The following KIF26B variants were observed in gnomAD, a reference collection of about 807,000 sequenced individuals.
KIF26B encodes the protein kinesin-like protein KIF26B.
Under a neutral mutation model 151.2 loss-of-function variants are expected in KIF26B, and 63 were observed. That is an observed-to-expected ratio of 0.42 (90% CI 0.34 to 0.51). The LOEUF is 0.51. KIF26B is among the 20% of genes least tolerant of loss of function. KIF26B has a pLI of 0.07. For missense variants in KIF26B, 2,813 were observed against 2,913.6 expected (o/e 0.97, Z 0.79); for synonymous variants, 1,357 against 1,262.1 (o/e 1.08, Z -1.59).
At chr1:245,456,027 C>G (rs542524152) in intron 4 of KIF26B, among the ~76,000 whole-genome samples, 1 of 152,142 alleles carries the variant, frequency 6.6e-6, no homozygotes, top group Non-Finnish European at 1.5e-5. Context: ...AAAAAAGACA[C>G]CCATGATTCC....
intron 2 of KIF26B, chr1:245,283,235 C>T (rs1671096507): frequency 1.2e-5 from 2 of 160,524 alleles, no homozygotes; most frequent in South Asian, 3.4e-4. Flanking sequence ...GACAGCAAGC[C>T]CAATCTGCCC....
intron 2 of KIF26B, among the ~76,000 whole-genome samples, chr1:245,240,493 A>G (rs1260593723): frequency 6.6e-6 from 1 of 152,182 alleles, no homozygotes; most frequent in African/African-American, 2.4e-5. Context: ...CTGCATATAC[A>G]CATACATGTA....
At chr1:245,172,965 C>A (rs374173200) in intron 2 of KIF26B, among the ~76,000 whole-genome samples, 3 of 152,138 alleles carry the variant, frequency 2.0e-5, no homozygotes, top group Non-Finnish European at 4.4e-5. Flanking sequence ...TTCATAGCAG[C>A]CTTATTCACA....
chr1:245,510,060 CA>C (rs1246779602), intron 4 of KIF26B, among the ~76,000 whole-genome samples: 1 of 152,154 alleles, frequency 6.6e-6, no homozygotes, highest in Non-Finnish European at 1.5e-5. Context: ...GCGAAGTTGA[CA>C]GTCACACTGA....
At chr1:245,607,607 T>C in intron 6 of KIF26B, 44 bp from the exon 7 acceptor site, 3 of 1,513,018 alleles carry the variant, frequency 2.0e-6, no homozygotes, top group Admixed American at 3.6e-5. Context: ...GTGTCTCCGC[T>C]GCGAGGTCCA....
chr1:245,214,772 G>A (rs748878935), intron 2 of KIF26B, among the ~76,000 whole-genome samples: 3 of 151,962 alleles, frequency 2.0e-5, no homozygotes, highest in Non-Finnish European at 2.9e-5. Context: ...CCCAGGAGGT[G>A]GAGGTTGCAG....
chr1:245,657,700 T>C (rs1028214250), intron 10 of KIF26B, among the ~76,000 whole-genome samples: 11 of 152,182 alleles, frequency 7.2e-5, no homozygotes, highest in African/African-American at 2.7e-4. Flanking sequence ...CCGATTCTTC[T>C]GCTTCCAGCG....
At chr1:245,417,493 C>T (rs994269909) in intron 3 of KIF26B, among the ~76,000 whole-genome samples, 2 of 152,156 alleles carry the variant, frequency 1.3e-5, no homozygotes, top group Admixed American at 6.5e-5. Context: ...AGCTCTAGAA[C>T]GTTCTGTGAT....
intron 4 of KIF26B, among the ~76,000 whole-genome samples, chr1:245,533,668 A>G (rs1051950499): frequency 6.6e-6 from 1 of 152,188 alleles, no homozygotes; most frequent in Admixed American, 6.5e-5. Flanking sequence ...TTTAGACACT[A>G]AGGATAGGAG....
In KIF26B at chr1:245,285,057, G is replaced by A. The variant is rs535012136; in HGVS notation, c.466-81777G>A. On this transcript the variant is annotated intron_variant, in intron 2 of 14. Transcript: ENST00000407071. ...TCTGTCTCAAAAAACAAACAAACAA[G>A]CGAACAAAAACAATAATTTATTTTT... Among the ~76,000 whole-genome samples, 6 of 152,216 alleles carry A rather than the reference G, an allele frequency of 3.9e-5. No individual in the cohort carries two copies. The East Asian group carries it at 1.2e-3, about 29-fold the overall frequency.
chr1:245,561,910 T>C (rs536191363), intron 5 of KIF26B, among the ~76,000 whole-genome samples: 2 of 152,312 alleles, frequency 1.3e-5, no homozygotes, highest in African/African-American at 2.4e-5. Context: ...TCCTGCCTCT[T>C]CTCAGTCTCC....
intron 4 of KIF26B, among the ~76,000 whole-genome samples, chr1:245,513,753 G>A (rs1459379571): frequency 6.6e-6 from 1 of 152,214 alleles, no homozygotes; most frequent in Admixed American, 6.5e-5. Flanking sequence ...TGGACCCTGA[G>A]GAACAGCACC....
At chr1:245,431,437 C>T (rs578046389) in intron 4 of KIF26B, among the ~76,000 whole-genome samples, 53 of 150,528 alleles carry the variant, frequency 3.5e-4, no homozygotes, top group African/African-American at 1.1e-3. Context: ...CTCTGCCTCC[C>T]GGCTTCAGGC....
intron 2 of KIF26B, among the ~76,000 whole-genome samples, chr1:245,180,805 T>A (rs1436797688): frequency 6.6e-6 from 1 of 151,998 alleles, no homozygotes; most frequent in African/African-American, 2.4e-5. Context: ...GGATTTGGGG[T>A]CCTTCTAGAG....
chr1:245,433,000 C>A (rs1658816809), intron 4 of KIF26B, among the ~76,000 whole-genome samples: 1 of 152,164 alleles, frequency 6.6e-6, no homozygotes, highest in South Asian at 2.1e-4. Flanking sequence ...TTTCTTCTGT[C>A]CTATTACTCT....
chr1:245,612,052 CTTTGTGTGTGTGTG>C (rs2043529444), intron 9 of KIF26B, 76 bp downstream of exon 9: 1 of 1,031,946 alleles, frequency 9.7e-7, no homozygotes, highest in South Asian at 1.4e-5. Context: ...CAACCATGAC[CTTTGTGTGTGTGTG>C]TGTGTGTGTG....
chr1:245,329,680 A>C (rs1012155945), intron 2 of KIF26B, among the ~76,000 whole-genome samples: 3 of 151,538 alleles, frequency 2.0e-5, no homozygotes, highest in Non-Finnish European at 2.9e-5. Context: ...CAGGCTCCCA[A>C]CTCTCTCTCT....
rs946946462 is a variant in KIF26B at position 245,702,836 on chromosome 1, T to C, written c.*230T>C. The C allele has an allele frequency of 1.1e-5, 5 of 463,452 alleles. No individual in the cohort carries two copies. The highest frequency in any genetic ancestry group is 1.5e-5 in the Non-Finnish European group (4 of 265,148). The allele number at this position is 463,452 out of a possible 1,614,324, so 28.7% of individuals were successfully genotyped here. A position where few individuals can be genotyped will look rare whatever the true frequency, so the allele number is the denominator to read the frequency against. ...AAAAGGATGGGAAGCCCGAGGGGTG[T>C]CCAAGCCCTGTGAGACTGAAAAAGC... is the stretch of plus-strand genomic sequence containing the variant. On this transcript the variant is annotated 3_prime_UTR_variant, in exon 15 of 15. Coordinates refer to ENST00000407071, the MANE Select transcript of KIF26B (RefSeq NM_018012.4). This position sits in a 1 kb window ranked among gnomAD's most constrained non-coding sequence, Gnocchi z 4.1.
At chr1:245,684,124 G>C (rs2044475427) in intron 10 of KIF26B, 109 bp from the exon 11 acceptor site, 11 of 1,184,094 alleles carry the variant, frequency 9.3e-6, no homozygotes, top group Non-Finnish European at 1.3e-5. Context: ...AAAAAGGGTG[G>C]GGGGACCACC....
Sources: gnomAD v4.1 joint callset for allele counts (sites outside exome capture counted in the v4.1 genomes callset) on GRCh38, gnomAD v4.1.1 for gene constraint, Gnocchi (gnomAD v3.1) non-coding constraint, MANE v1.5 for transcripts, NCBI Gene and HGNC (gene_info 2026-07-23, HGNC 2026-07-21) for gene names.